The following SEMA3C variants were observed in gnomAD, a reference collection of about 807,000 sequenced individuals.
SEMA3C encodes semaphorin-3C.
Under a neutral mutation model 89.4 loss-of-function variants are expected in SEMA3C, and 47 were observed. The observed-to-expected ratio is 0.53, with a 90% CI of 0.42 to 0.67. The LOEUF (loss-of-function observed/expected upper bound fraction) is 0.67. Ranked by LOEUF, SEMA3C falls within the 30% of genes least tolerant of loss-of-function variation. The pLI, the probability that SEMA3C is intolerant of heterozygous loss-of-function variation, is 0.00. For missense variants in SEMA3C, 839 were observed against 929.1 expected (o/e 0.90, Z 1.26); for synonymous variants, 310 against 320.2 (o/e 0.97, Z 0.34).
At chr7:80,752,825 A>G (rs559889233) in intron 15 of SEMA3C, among the ~76,000 whole-genome samples, 2 of 152,244 alleles carry the variant, frequency 1.3e-5, no homozygotes, top group East Asian at 3.9e-4. Flanking sequence ...CTCTTTAAAT[A>G]TTGTGAATAC....
At chr7:80,813,446 TATTCTC>T (rs1789518025) in intron 5 of SEMA3C, among the ~76,000 whole-genome samples, 1 of 152,186 alleles carries the variant, frequency 6.6e-6, no homozygotes, top group African/African-American at 2.4e-5. Flanking sequence ...TCCCCTAACT[TATTCTC>T]AACTCACATT....
chr7:80,852,978 T>TGAATAGACATTTTTCAAAA (rs1419647846), intron 2 of SEMA3C, among the ~76,000 whole-genome samples: 2 of 151,996 alleles, frequency 1.3e-5, no homozygotes, highest in Non-Finnish European at 2.9e-5. Flanking sequence ...GTGCCTGGAC[T>TGAATAGACATTTTTCAAAA]GAATAGACAT....
intron 2 of SEMA3C, among the ~76,000 whole-genome samples, chr7:80,835,227 G>A (rs933637362): frequency 1.3e-5 from 2 of 152,046 alleles, no homozygotes; most frequent in Non-Finnish European, 2.9e-5. Context: ...TACATTTATT[G>A]AGCCCTTATC....
intron 5 of SEMA3C, among the ~76,000 whole-genome samples, chr7:80,811,390 T>C (rs1789465764): frequency 6.6e-6 from 1 of 152,118 alleles, no homozygotes; most frequent in South Asian, 2.1e-4. Flanking sequence ...TGCTTGCTAC[T>C]GAGAAGGAAA....
chr7:80,825,552 C>G (rs971463218), intron 4 of SEMA3C, among the ~76,000 whole-genome samples: 1 of 152,186 alleles, frequency 6.6e-6, no homozygotes, highest in Non-Finnish European at 1.5e-5. Context: ...TCTACTTTGA[C>G]AAAGGAAGTA....
rs371873675 is a variant in SEMA3C at position 80,743,101 on chromosome 7, C to G, written c.*1793G>C. ...GTTTTGGCTTTACATTGACACATTT[C>G]TGTGTGTCAATGTAGAAGAGAAAAG... On this transcript the variant is annotated 3_prime_UTR_variant, in exon 18 of 18. Transcript: ENST00000265361. 1.3e-5 allele frequency: 2 copies of G among 151,850 alleles called. No homozygotes were observed. Among genetic ancestry groups the G allele is most frequent in the Non-Finnish European group, 1.5e-5 (1 of 67,812 alleles). 9.4% of individuals were successfully genotyped at this position (151,850 alleles called of 1,614,324 possible). A position where few individuals can be genotyped will look rare whatever the true frequency, so the allele number is the denominator to read the frequency against.
intron 2 of SEMA3C, chr7:80,905,796 G>A: frequency 8.6e-7 from 1 of 1,160,638 alleles, no homozygotes; most frequent in Non-Finnish European, 1.1e-6. Flanking sequence ...TTTGCCTGGT[G>A]TAATATTTAC....
intron 8 of SEMA3C, among the ~76,000 whole-genome samples, chr7:80,803,362 G>T (rs1329559640): frequency 1.3e-5 from 2 of 152,078 alleles, no homozygotes; most frequent in African/African-American, 4.8e-5. Flanking sequence ...GTGTCCAAAG[G>T]CCTTTTACCC....
At chr7:80,785,472 A>T (rs947790094) in intron 12 of SEMA3C, among the ~76,000 whole-genome samples, 3 of 152,176 alleles carry the variant, frequency 2.0e-5, no homozygotes, top group African/African-American at 7.2e-5. Context: ...GCTGTCTGAC[A>T]CTAGGGGACC....
intron 14 of SEMA3C, 21 bp from the exon 15 acceptor site, chr7:80,758,509 A>G: frequency 2.5e-6 from 4 of 1,611,164 alleles, no homozygotes; most frequent in Non-Finnish European, 3.4e-6. Flanking sequence ...AATGATGATG[A>G]TTTATTTCAG....
intron 11 of SEMA3C, among the ~76,000 whole-genome samples, chr7:80,794,378 A>G (rs1218249511): frequency 6.6e-6 from 1 of 152,138 alleles, no homozygotes. Context: ...ATGATGTGAG[A>G]CGATGTAATT....
intron 2 of SEMA3C, among the ~76,000 whole-genome samples, chr7:80,906,424 C>T (rs1792017108): frequency 6.6e-6 from 1 of 152,156 alleles, no homozygotes; most frequent in African/African-American, 2.4e-5. Flanking sequence ...CTCTCGGCCA[C>T]CTTTAACTAC....
upstream of SEMA3C, among the ~76,000 whole-genome samples, chr7:80,921,601 C>T (rs187990619): frequency 5.6e-4 from 85 of 152,264 alleles, no homozygotes; most frequent in East Asian, 9.8e-3. Context: ...ACGCTGTTTT[C>T]GGTAAGGGGG....
At position 80,798,119 on chromosome 7, in the gene SEMA3C, G is replaced by A; in HGVS notation, c.1104C>T (p.Gly368=). The A allele has an allele frequency of 8.7e-6, 14 of 1,607,380 alleles. No homozygotes were observed. The highest frequency in any genetic ancestry group is 1.2e-5 in the Non-Finnish European group (14 of 1,177,400). ...TTCCAGGGCGAGGATATGGAATTCT[G>A]CCCTGATAGGAAATCAGCTGATGAT... ...GPNHQLISYQ[G]RIPYPRPGTC... The change falls in exon 11 of 18, where the codon GGC becomes GGT. Residue 368 remains glycine (G), a synonymous_variant. Transcript: ENST00000265361.
chr7:80,863,975 C>A (rs1790863404), intron 2 of SEMA3C, among the ~76,000 whole-genome samples: 1 of 139,416 alleles, frequency 7.2e-6, no homozygotes, highest in Admixed American at 7.2e-5. Context: ...ACATATATAT[C>A]ACATATATCA....
intron 12 of SEMA3C, among the ~76,000 whole-genome samples, chr7:80,767,321 C>T (rs1178581250): frequency 6.6e-6 from 1 of 152,078 alleles, no homozygotes; most frequent in Non-Finnish European, 1.5e-5. Context: ...TCCAAATAAG[C>T]TGAATCAAAT....
chr7:80,758,269 A>G (rs1788107980), intron 15 of SEMA3C, 62 bp downstream of exon 15: 3 of 1,525,870 alleles, frequency 2.0e-6, no homozygotes, highest in Non-Finnish European at 1.8e-6. Context: ...TAAAGATGTG[A>G]AACACTTCTG....
At chr7:80,897,445 G>A (rs545975944) in intron 2 of SEMA3C, among the ~76,000 whole-genome samples, 1 of 152,274 alleles carries the variant, frequency 6.6e-6, no homozygotes, top group African/African-American at 2.4e-5. Flanking sequence ...GTAAGCTTTA[G>A]TCAACAGACC....
At chr7:80,878,237 C>T (rs922338142) in intron 2 of SEMA3C, among the ~76,000 whole-genome samples, 1 of 152,066 alleles carries the variant, frequency 6.6e-6, no homozygotes, top group Non-Finnish European at 1.5e-5. Context: ...ATTAATTGGG[C>T]TTGGTGGCGC....
Sources: allele counts gnomAD v4.1 joint callset (sites outside exome capture counted in the v4.1 genomes callset), GRCh38; gene constraint gnomAD v4.1.1; transcripts MANE v1.5; gene names NCBI Gene and HGNC (gene_info 2026-07-23, HGNC 2026-07-21).